Variants in SUSD6 observed in about 807,000 individuals in gnomAD.
The protein encoded by SUSD6 is sushi domain-containing protein 6.
Under a neutral mutation model 28.4 loss-of-function variants are expected in SUSD6, and 16 were observed. The observed-to-expected ratio is 0.56, with a 90% CI of 0.38 to 0.86. SUSD6 has a LOEUF of 0.86. Among genes scored for constraint, SUSD6 ranks in the 40% least tolerant of loss-of-function variants. The pLI, the probability that SUSD6 is intolerant of heterozygous loss-of-function variation, is 0.00. For synonymous variants in SUSD6, 147 were observed against 159.6 expected, an observed-to-expected ratio of 0.92 and a Z score of 0.59; for missense variants, 341 against 384.2, an observed-to-expected ratio of 0.89 and a Z score of 0.94.
chr14:69,651,127 G>C (rs1251784737), intron 1 of SUSD6, among the ~76,000 whole-genome samples: 1 of 152,178 alleles, frequency 6.6e-6, no homozygotes, highest in African/African-American at 2.4e-5. Context: ...GAGACAGAAA[G>C]ACTCACTGAC....
rs1484303006 is a variant in SUSD6 at position 69,708,946 on chromosome 14, G to A, written c.728G>A (p.Gly243Asp). ...PGQSGLCEAW[G>D]SRASETVMVH... ...CAGTCTGGACTATGTGAAGCCTGGG[G>A]CTCTCGGGCCTCAGAGACTGTGATG... is the stretch of plus-strand genomic sequence containing the variant. The change falls in exon 5 of 6, where the codon GGC becomes GAC. Residue 243 changes from glycine to aspartate, a missense_variant. Gly to Asp is a moderately conservative substitution (Grantham distance 94, BLOSUM62 -1). Coordinates refer to ENST00000342745, the MANE Select transcript of SUSD6 (RefSeq NM_014734.4). The A allele has an allele frequency of 1.9e-6, 3 of 1,614,070 alleles. No individual in the cohort carries two copies. The highest frequency in any genetic ancestry group is 1.3e-5 in the African/African-American group (1 of 74,938).
chr14:69,645,663 A>ACCCCCT (rs1251137490), intron 1 of SUSD6, among the ~76,000 whole-genome samples: 3 of 150,688 alleles, frequency 2.0e-5, no homozygotes, highest in Non-Finnish European at 4.4e-5. Flanking sequence ...TAAGACACAA[A>ACCCCCT]CCCCCTCTAG....
intron 1 of SUSD6, among the ~76,000 whole-genome samples, chr14:69,626,457 T>C (rs1885115457): frequency 6.6e-6 from 1 of 152,206 alleles, no homozygotes; most frequent in African/African-American, 2.4e-5. Context: ...TGATTGTTTT[T>C]GTGTTTGCGT....
intron 3 of SUSD6, 177 bp downstream of exon 3, chr14:69,703,769 G>A (rs1359861184): frequency 1.6e-6 from 1 of 629,908 alleles, no homozygotes; most frequent in African/African-American, 1.8e-5. Context: ...ACTTGAGGTT[G>A]CTGGTGCATG....
rs945309 is a variant in SUSD6 at position 69,712,264 on chromosome 14, G to A, written c.*1285G>A. ...TGGGGGAAGGGCTGAGAAACAGTCC[G>A]TGTGCACCCCAACCTTAATGGCCTG... On this transcript the variant is annotated 3_prime_UTR_variant, in exon 6 of 6. Coordinates refer to ENST00000342745, the MANE Select transcript of SUSD6 (RefSeq NM_014734.4). 139,052 of 152,420 alleles carry A rather than the reference G, an allele frequency of 0.91. 63,627 individuals carry two copies. The highest frequency in any genetic ancestry group is 0.98 in the African/African-American group (40,693 of 41,552). The allele number at this position is 152,420 out of a possible 1,614,324, so 9.4% of individuals were successfully genotyped here.
intron 1 of SUSD6, among the ~76,000 whole-genome samples, chr14:69,635,081 A>G (rs1358394384): frequency 1.3e-5 from 2 of 152,234 alleles, no homozygotes; most frequent in African/African-American, 4.8e-5. Context: ...GATGAAGATG[A>G]TGATAATGTT....
At chr14:69,702,581 C>T (rs1383671858) in intron 2 of SUSD6, among the ~76,000 whole-genome samples, 2 of 152,224 alleles carry the variant, frequency 1.3e-5, no homozygotes, top group East Asian at 1.9e-4. Flanking sequence ...CCATGCAGCT[C>T]ATGGGGTAGA....
intron 2 of SUSD6, among the ~76,000 whole-genome samples, chr14:69,699,552 T>C (rs1164288294): frequency 6.6e-6 from 1 of 152,124 alleles, no homozygotes; most frequent in East Asian, 1.9e-4. Flanking sequence ...TTTTTTTTTT[T>C]TGGACCCTTT....
rs193239873 is a variant in SUSD6, at chr14:69,692,447, C to T, written c.122-10948C>T. Among the ~76,000 whole-genome samples, 354 of 152,262 alleles carry T rather than the reference C, an allele frequency of 2.3e-3. 3 individuals are homozygous for T. The highest frequency in any genetic ancestry group is 8.1e-3 in the African/African-American group (338 of 41,532). Reference sequence around the variant, plus strand: ...ACTCTAGTACTTAGAATCCAGGTGACCTCAGTCCATTACTAAATTTTTCAG... The same window carrying T: ...ACTCTAGTACTTAGAATCCAGGTGATCTCAGTCCATTACTAAATTTTTCAG... On this transcript the variant is annotated intron_variant, in intron 2 of 5. Coordinates refer to ENST00000342745, the MANE Select transcript of SUSD6 (RefSeq NM_014734.4).
chr14:69,698,914 G>A (rs1204507311), intron 2 of SUSD6, among the ~76,000 whole-genome samples: 2 of 152,038 alleles, frequency 1.3e-5, no homozygotes, highest in Non-Finnish European at 2.9e-5. Flanking sequence ...TTAAAATTAT[G>A]TGGCACTGCC....
intron 2 of SUSD6, among the ~76,000 whole-genome samples, chr14:69,699,353 A>G (rs1183192569): frequency 1.3e-5 from 2 of 152,000 alleles, no homozygotes; most frequent in African/African-American, 2.4e-5. Flanking sequence ...AGAGGTGTGC[A>G]TCACCACACC....
intron 1 of SUSD6, among the ~76,000 whole-genome samples, chr14:69,628,603 G>A (rs116507632): frequency 2.8e-3 from 433 of 152,230 alleles, no homozygotes; most frequent in African/African-American, 0.01. Context: ...GCTTTAACTC[G>A]GTAGGCTAAT....
rs1257813839 is a variant in SUSD6, at chr14:69,677,541, C to T, written c.121+18828C>T. Among the ~76,000 whole-genome samples, 3 of 72,380 alleles carry T rather than the reference C, an allele frequency of 4.1e-5. No homozygotes were observed. The East Asian group carries it at 1.0e-3, about 25-fold the overall frequency. 47.5% of individuals were successfully genotyped at this position (72,380 alleles called of 152,430 possible). On this transcript the variant is annotated intron_variant, in intron 2 of 5. Transcript: ENST00000342745. The stretch of plus-strand genomic sequence containing the variant: ...CAGCCTGGGCCACAGAGTGAGACTC[C>T]GTCTCAAAAAAAAAAAAAAAAAGAA...
At chr14:69,694,011 A>G (rs981125433) in intron 2 of SUSD6, among the ~76,000 whole-genome samples, 1 of 152,266 alleles carries the variant, frequency 6.6e-6, no homozygotes, top group Non-Finnish European at 1.5e-5. Context: ...AGTGTTTTGA[A>G]ATAAGGACAA....
intron 1 of SUSD6, chr14:69,617,073 A>T (rs890403168): frequency 6.6e-6 from 1 of 152,222 alleles, no homozygotes; most frequent in Non-Finnish European, 1.5e-5. Context: ...TTCACTTAGC[A>T]TAATGTTTTT....
In SUSD6 at chr14:69,611,798, C is replaced by T. The variant is rs977214526; in HGVS notation, c.-111C>T. 6.6e-6 allele frequency: 1 copy of T among 151,596 alleles called. No individual in the cohort carries two copies. Among genetic ancestry groups the T allele is most frequent in the African/African-American group, 2.4e-5 (1 of 41,384 alleles). The allele number at this position is 151,596 out of a possible 1,614,324, so 9.4% of individuals were successfully genotyped here. ...GCGGCGGCGTGGAAGCTGTGAGCGC[C>T]CCCATCCCGGAGGTCTCCGCCGGCT... On this transcript the variant is annotated 5_prime_UTR_variant, in exon 1 of 6. Transcript: ENST00000342745.
chr14:69,618,804 AAG>A (rs1884994928), intron 1 of SUSD6, among the ~76,000 whole-genome samples: 2 of 152,208 alleles, frequency 1.3e-5, no homozygotes, highest in African/African-American at 4.8e-5. Flanking sequence ...CTCAAATCCT[AAG>A]AGTTTCCAAA....
chr14:69,637,562 G>C (rs894373936), intron 1 of SUSD6, among the ~76,000 whole-genome samples: 4 of 152,182 alleles, frequency 2.6e-5, no homozygotes, highest in Non-Finnish European at 5.9e-5. Flanking sequence ...GTGGGTGCTG[G>C]AGAGCCTTGG....
At chr14:69,657,082 A>G (rs1005906077) in intron 1 of SUSD6, among the ~76,000 whole-genome samples, 8 of 152,224 alleles carry the variant, frequency 5.3e-5, no homozygotes, top group African/African-American at 1.9e-4. Context: ...CTTTGGACAG[A>G]GACAACTTAC....
Sources: gnomAD v4.1 joint callset for allele counts (sites outside exome capture counted in the v4.1 genomes callset) on GRCh38, gnomAD v4.1.1 for gene constraint, MANE v1.5 for transcripts, NCBI Gene and HGNC (gene_info 2026-07-23, HGNC 2026-07-21) for gene names.